Variants in ADGRB3 observed in about 807,000 individuals in gnomAD.
ADGRB3 encodes the protein adhesion G protein-coupled receptor B3.
In ADGRB3, 37 loss-of-function variants were observed where a neutral mutation model predicts 193.4. The ratio of observed to expected loss-of-function variants is 0.19; its 90% confidence interval spans 0.15 to 0.25. ADGRB3 has a LOEUF of 0.25. ADGRB3 is among the 10% of genes least tolerant of loss of function. The probability of loss-of-function intolerance (pLI) is 1.00; values close to 1 mark genes in which losing one functional copy is unlikely to be tolerated. For missense variants in ADGRB3, 1,637 were observed against 1,852.9 expected (o/e 0.88, Z 2.14); for synonymous variants, 690 against 644.2 (o/e 1.07, Z -1.08).
intron 3 of ADGRB3, among the ~76,000 whole-genome samples, chr6:68,664,693 C>T (rs1186617033): frequency 2.6e-5 from 4 of 151,760 alleles, no homozygotes; most frequent in Non-Finnish European, 5.9e-5. Context: ...CTCTTCTGGC[C>T]TATATAAGAA....
intron 3 of ADGRB3, among the ~76,000 whole-genome samples, chr6:68,704,242 C>A (rs1175034856): frequency 6.6e-6 from 1 of 152,070 alleles, no homozygotes; most frequent in Non-Finnish European, 1.5e-5. Context: ...GGCTTATTAA[C>A]CTAAAATACT....
At chr6:68,778,178 G>A (rs1461884086) in intron 3 of ADGRB3, among the ~76,000 whole-genome samples, 19 of 152,052 alleles carry the variant, frequency 1.2e-4, no homozygotes, top group Non-Finnish European at 5.9e-5. Context: ...CAGACTACAG[G>A]CATGAGCAAT....
chr6:69,356,588 A>T (rs1769342073), intron 28 of ADGRB3, among the ~76,000 whole-genome samples: 1 of 152,140 alleles, frequency 6.6e-6, no homozygotes, highest in South Asian at 2.1e-4. Flanking sequence ...AAAAACTTTC[A>T]CATGGAGACA....
intron 3 of ADGRB3, among the ~76,000 whole-genome samples, chr6:68,710,327 C>T (rs1654836845): frequency 1.3e-5 from 2 of 152,144 alleles, no homozygotes; most frequent in South Asian, 2.1e-4. Flanking sequence ...TTCCTTCCCT[C>T]CGGCTCACCA....
chr6:68,687,612 C>T (rs1314265342), intron 3 of ADGRB3, among the ~76,000 whole-genome samples: 1 of 152,072 alleles, frequency 6.6e-6, no homozygotes, highest in Non-Finnish European at 1.5e-5. Flanking sequence ...ATGAATTAAG[C>T]ACATAATTAG....
chr6:69,262,627 G>T (rs956896528), intron 20 of ADGRB3, among the ~76,000 whole-genome samples: 1 of 151,572 alleles, frequency 6.6e-6, no homozygotes, highest in African/African-American at 2.4e-5. Flanking sequence ...TTTTGTCTCT[G>T]GTTTTACTTT....
chr6:69,201,972 C>T (rs924261459), intron 17 of ADGRB3, among the ~76,000 whole-genome samples: 3 of 152,086 alleles, frequency 2.0e-5, no homozygotes, highest in Admixed American at 6.6e-5. Flanking sequence ...AAAAACTGAG[C>T]TCTTCTCTAT....
intron 11 of ADGRB3, among the ~76,000 whole-genome samples, chr6:69,010,505 A>ATAT (rs1769899609): frequency 6.6e-6 from 1 of 152,106 alleles, no homozygotes; most frequent in African/African-American, 2.4e-5. Context: ...AAGTTGCCAT[A>ATAT]TATCAAGCAC....
At chr6:69,284,425 T>TTGACTACCGGCATTG (rs1173689333) in intron 20 of ADGRB3, among the ~76,000 whole-genome samples, 3 of 152,122 alleles carry the variant, frequency 2.0e-5, no homozygotes, top group African/African-American at 7.2e-5. Flanking sequence ...CTTGATCTGC[T>TTGACTACCGGCATTG]TGACTACCGG....
intron 20 of ADGRB3, among the ~76,000 whole-genome samples, chr6:69,259,070 G>T (rs577169209): frequency 6.6e-6 from 1 of 152,286 alleles, no homozygotes; most frequent in South Asian, 2.1e-4. Flanking sequence ...GCAATATTAT[G>T]AAGATTAATA....
At chr6:69,302,369 G>C (rs1676431850) in intron 20 of ADGRB3, among the ~76,000 whole-genome samples, 1 of 151,910 alleles carries the variant, frequency 6.6e-6, no homozygotes, top group Non-Finnish European at 1.5e-5. Flanking sequence ...AGAAGGCCTA[G>C]AGAATGAGAA....
chr6:69,087,550 T>C (rs1440474050), intron 17 of ADGRB3, among the ~76,000 whole-genome samples: 1 of 152,182 alleles, frequency 6.6e-6, no homozygotes, highest in African/African-American at 2.4e-5. Flanking sequence ...GCACTATCTA[T>C]GAGGAATAAG....
chr6:68,714,682 A>G (rs2127318740), intron 3 of ADGRB3, among the ~76,000 whole-genome samples: 1 of 152,018 alleles, frequency 6.6e-6, no homozygotes, highest in African/African-American at 2.4e-5. Context: ...TATATGGTAT[A>G]TCTCAGGAAT....
chr6:69,257,793 G>C (rs1419239602), intron 20 of ADGRB3, among the ~76,000 whole-genome samples: 1 of 152,152 alleles, frequency 6.6e-6, no homozygotes, highest in African/African-American at 2.4e-5. Context: ...ATTCTCCCCT[G>C]GATACCCACT....
At chr6:68,720,409 C>T (rs145866942) in intron 3 of ADGRB3, among the ~76,000 whole-genome samples, 3 of 151,732 alleles carry the variant, frequency 2.0e-5, no homozygotes, top group African/African-American at 7.2e-5. Flanking sequence ...TATGACTAAC[C>T]TTGGGCTTTT....
rs372730463 is a variant in ADGRB3, at chr6:69,110,728, G to A, written c.2480+34690G>A. Among the ~76,000 whole-genome samples, 33 of 152,266 alleles carry A rather than the reference G, an allele frequency of 2.2e-4. No homozygotes were observed. The East Asian group carries it at 4.8e-3, about 22-fold the overall frequency. ...ATCAGAAGCGGTGAAGTATAAACAC[G>A]TAGCACATAATATTTTGGCTGTTGA... On this transcript the variant is annotated intron_variant, in intron 17 of 31. Coordinates refer to ENST00000370598, the MANE Select transcript of ADGRB3 (RefSeq NM_001704.3).
chr6:69,054,929 T>G (rs1771501351), intron 15 of ADGRB3, among the ~76,000 whole-genome samples: 1 of 152,216 alleles, frequency 6.6e-6, no homozygotes. Context: ...TGGTCTTATT[T>G]AAATTGGTCT....
At chr6:68,979,638 A>G (rs1768850417) in intron 10 of ADGRB3, among the ~76,000 whole-genome samples, 1 of 151,464 alleles carries the variant, frequency 6.6e-6, no homozygotes, top group South Asian at 2.1e-4. Context: ...TATTTTTTGA[A>G]TTGTATACCA....
intron 20 of ADGRB3, among the ~76,000 whole-genome samples, chr6:69,270,447 T>C (rs1767148173): frequency 6.6e-6 from 1 of 152,134 alleles, no homozygotes; most frequent in Non-Finnish European, 1.5e-5. Flanking sequence ...AAATTATAAA[T>C]ATTTTAACTA....
Sources: allele counts gnomAD v4.1 joint callset (sites outside exome capture counted in the v4.1 genomes callset), GRCh38; gene constraint gnomAD v4.1.1; transcripts MANE v1.5; gene names NCBI Gene and HGNC (gene_info 2026-07-23, HGNC 2026-07-21).